Variants in OSBPL10 observed in about 807,000 individuals in gnomAD.
OSBPL10 encodes the protein oxysterol binding protein like 10.
In OSBPL10, 49 loss-of-function variants were observed where a neutral mutation model predicts 81.7. That is an observed-to-expected ratio of 0.60 (90% confidence interval 0.48 to 0.76). OSBPL10 has a LOEUF of 0.76. Ranked by LOEUF, OSBPL10 falls within the 30% of genes least tolerant of loss-of-function variation. The pLI, the probability that OSBPL10 is intolerant of heterozygous loss-of-function variation, is 0.00. For synonymous variants in OSBPL10, 419 were observed against 383.6 expected (o/e 1.09, Z -1.08); for missense variants, 923 against 987.8 (o/e 0.93, Z 0.88).
At chr3:31,932,260 C>T (rs1450987153) in intron 1 of OSBPL10, among the ~76,000 whole-genome samples, 1 of 152,068 alleles carries the variant, frequency 6.6e-6, no homozygotes. Context: ...TTTCCAACTC[C>T]GAACACGGTC....
At chr3:31,944,615 ATAGAC>A (rs1204438297) in intron 1 of OSBPL10, among the ~76,000 whole-genome samples, 2 of 151,468 alleles carry the variant, frequency 1.3e-5, no homozygotes, top group Non-Finnish European at 2.9e-5. Context: ...ACAAGCCTGA[ATAGAC>A]TAAGGACAAC....
chr3:31,794,634 T>C, intron 4 of OSBPL10: 1 of 334,092 alleles, frequency 3.0e-6, no homozygotes, highest in Non-Finnish European at 6.0e-6. Flanking sequence ...CTTCCCTGGG[T>C]TGTTGGTGTG....
intron 6 of OSBPL10, among the ~76,000 whole-genome samples, chr3:31,728,150 A>C (rs962287178): frequency 2.0e-5 from 3 of 152,272 alleles, no homozygotes; most frequent in African/African-American, 4.8e-5. Context: ...ATGCTGATAT[A>C]GTACTCAGTA....
At chr3:31,816,269 T>A (rs138442996) in intron 4 of OSBPL10, among the ~76,000 whole-genome samples, 1 of 152,124 alleles carries the variant, frequency 6.6e-6, no homozygotes, top group African/African-American at 2.4e-5. Context: ...GTAACTTTCA[T>A]GTCAGTTTAA....
intron 3 of OSBPL10, among the ~76,000 whole-genome samples, chr3:31,839,683 G>T (rs541080779): frequency 1.3e-5 from 2 of 151,902 alleles, no homozygotes; most frequent in African/African-American, 4.8e-5. Context: ...AGGCCCTGGG[G>T]TGAGAGTTCA....
At chr3:32,019,650 T>C (rs1699344309) in intron 2 of OSBPL10, among the ~76,000 whole-genome samples, 1 of 152,348 alleles carries the variant, frequency 6.6e-6, no homozygotes, top group East Asian at 1.9e-4. Context: ...TGGCCTCATT[T>C]GTAAATATCT....
intron 6 of OSBPL10, among the ~76,000 whole-genome samples, chr3:31,721,986 G>A (rs189827772): frequency 1.1e-4 from 17 of 152,178 alleles, no homozygotes; most frequent in African/African-American, 3.6e-4. Context: ...CCACAGCTGG[G>A]GCTCCAGAGA....
At chr3:31,990,301 A>C in intron 2 of OSBPL10, 2 of 1,614,174 alleles carry the variant, frequency 1.2e-6, no homozygotes, top group Non-Finnish European at 1.7e-6. Flanking sequence ...CAAAGTCTTC[A>C]GTAATGCTAC....
At position 31,670,929 on chromosome 3, in the gene OSBPL10, G is replaced by A. The variant is rs1700307515; in HGVS notation, c.1781C>T (p.Ala594Val). The change falls in exon 9 of 12, where the codon GCC becomes GTC. Residue 594 changes from alanine to valine, a missense_variant. This residue lies in a region of OSBPL10 where 387 missense variants were observed against 436.3 expected (regional missense o/e 0.89). Coordinates refer to ENST00000396556, the MANE Select transcript of OSBPL10 (RefSeq NM_017784.5). ...GEEYVFTLPS[A>V]YARSILTIPW... is the part of the protein sequence containing the mutation. Reference sequence around the variant, plus strand: ...GATGGTGAGAATGGACCGGGCGTAGGCACTAGGCAGGGTGAATACGTACTC... The same window carrying A: ...GATGGTGAGAATGGACCGGGCGTAGACACTAGGCAGGGTGAATACGTACTC... 6.2e-7 allele frequency: 1 copy of A among 1,614,140 alleles called. No homozygotes were observed. Among genetic ancestry groups the A allele is most frequent in the African/African-American group, 1.3e-5 (1 of 75,040 alleles).
chr3:31,793,754 A>G (rs1050545469), intron 4 of OSBPL10, among the ~76,000 whole-genome samples: 1 of 152,240 alleles, frequency 6.6e-6, no homozygotes, highest in African/African-American at 2.4e-5. Context: ...AAAAACTAGA[A>G]TTTAAAAAGT....
intron 1 of OSBPL10, among the ~76,000 whole-genome samples, chr3:31,930,811 G>A (rs970163618): frequency 5.3e-5 from 8 of 151,462 alleles, no homozygotes; most frequent in Non-Finnish European, 8.9e-5. Context: ...TCAGGAGATC[G>A]AGACCATCCT....
intron 3 of OSBPL10, among the ~76,000 whole-genome samples, chr3:31,863,642 C>T (rs1268094588): frequency 3.3e-5 from 5 of 152,138 alleles, no homozygotes; most frequent in Non-Finnish European, 7.3e-5. Flanking sequence ...GCAATGTGTT[C>T]CAAGATGCCA....
intron 6 of OSBPL10, chr3:31,708,901 G>C (rs1478606401): frequency 3.0e-6 from 3 of 985,488 alleles, no homozygotes; most frequent in Non-Finnish European, 2.4e-6. Flanking sequence ...CCTTCAGCTG[G>C]TGTCTGGTAT....
intron 2 of OSBPL10, among the ~76,000 whole-genome samples, chr3:32,027,011 T>C (rs1230718854): frequency 6.6e-6 from 1 of 151,756 alleles, no homozygotes; most frequent in Non-Finnish European, 1.5e-5. Context: ...AGTGGAGGAG[T>C]CATTTATTAC....
chr3:32,037,328 AC>A (rs1427683929), intron 2 of OSBPL10, among the ~76,000 whole-genome samples: 1 of 152,162 alleles, frequency 6.6e-6, no homozygotes, highest in Non-Finnish European at 1.5e-5. Context: ...TAGAATGAAA[AC>A]AGGAAAAAAG....
intron 3 of OSBPL10, among the ~76,000 whole-genome samples, chr3:31,848,321 C>T (rs1215495335): frequency 6.6e-6 from 1 of 151,544 alleles, no homozygotes; most frequent in Non-Finnish European, 1.5e-5. Flanking sequence ...AATTTCACAT[C>T]TCTCTTTCCC....
At chr3:31,773,142 C>A (rs1698430674) in intron 4 of OSBPL10, among the ~76,000 whole-genome samples, 1 of 152,072 alleles carries the variant, frequency 6.6e-6, no homozygotes, top group Admixed American at 6.6e-5. Context: ...GTTTCATATG[C>A]ACTATAGATG....
At chr3:31,949,521 A>G (rs1314151826) in intron 1 of OSBPL10, among the ~76,000 whole-genome samples, 1 of 151,768 alleles carries the variant, frequency 6.6e-6, no homozygotes, top group Non-Finnish European at 1.5e-5. Flanking sequence ...ACAAAAAATT[A>G]GCTGGGCTTG....
At chr3:31,685,382 T>G (rs981900426) in intron 7 of OSBPL10, among the ~76,000 whole-genome samples, 2 of 152,182 alleles carry the variant, frequency 1.3e-5, no homozygotes, top group Admixed American at 1.3e-4. Flanking sequence ...TTCTTTATTT[T>G]AGTAGAGACA....
Sources: gnomAD v4.1 joint callset for allele counts (sites outside exome capture counted in the v4.1 genomes callset) on GRCh38, gnomAD v4.1.1 for gene constraint, gnomAD v4.1.1 regional missense constraint, MANE v1.5 for transcripts, NCBI Gene and HGNC (gene_info 2026-07-23, HGNC 2026-07-21) for gene names.